B3GALT1: variants seen among roughly 807,000 people sequenced by gnomAD.
B3GALT1 encodes UDP-Gal:betaGlcNAc beta 1,3-galactosyltransferase, polypeptide 1.
Under a neutral mutation model 23.2 loss-of-function variants are expected in B3GALT1, and 10 were observed. That is an observed-to-expected ratio of 0.43 (90% confidence interval 0.27 to 0.73). The LOEUF (loss-of-function observed/expected upper bound fraction) is 0.73, where lower values mean the gene tolerates loss of function less well. B3GALT1 is among the 30% of genes least tolerant of loss of function. The pLI, the probability that B3GALT1 is intolerant of heterozygous loss-of-function variation, is 0.21. For missense variants in B3GALT1, 299 were observed against 405.4 expected, an observed-to-expected ratio of 0.74 and a Z score of 2.25; for synonymous variants, 156 against 141.5, an observed-to-expected ratio of 1.10 and a Z score of -0.73.
intron 3 of B3GALT1, among the ~76,000 whole-genome samples, chr2:167,649,651 T>C (rs1685824222): frequency 6.6e-6 from 1 of 152,136 alleles, no homozygotes; most frequent in Non-Finnish European, 1.5e-5. Flanking sequence ...TTTTAATGAC[T>C]GAATAATATT....
intron 4 of B3GALT1, among the ~76,000 whole-genome samples, chr2:167,836,496 G>C (rs547313652): frequency 6.6e-6 from 1 of 152,096 alleles, no homozygotes; most frequent in Non-Finnish European, 1.5e-5. Context: ...AAAAAGAAAC[G>C]AACAAAGCCT....
At chr2:167,794,667 T>C (rs1445321125) in intron 3 of B3GALT1, among the ~76,000 whole-genome samples, 1 of 152,228 alleles carries the variant, frequency 6.6e-6, no homozygotes, top group Non-Finnish European at 1.5e-5. Context: ...AAAGGTCAAT[T>C]GCATTGTCAC....
chr2:167,635,118 A>T (rs1283804995), intron 2 of B3GALT1, among the ~76,000 whole-genome samples: 1 of 152,178 alleles, frequency 6.6e-6, no homozygotes, highest in Non-Finnish European at 1.5e-5. Flanking sequence ...ATCTCAATAG[A>T]TGCAGAAAAG....
chr2:167,531,471 T>C (rs1303899668), intron 2 of B3GALT1, among the ~76,000 whole-genome samples: 1 of 152,188 alleles, frequency 6.6e-6, no homozygotes, highest in African/African-American at 2.4e-5. Context: ...GGACTACCCT[T>C]TGGACAGCAT....
intron 2 of B3GALT1, among the ~76,000 whole-genome samples, chr2:167,532,189 T>TG (rs1683336759): frequency 1.3e-5 from 2 of 152,172 alleles, no homozygotes; most frequent in African/African-American, 4.8e-5. Flanking sequence ...ATTTGTCTAT[T>TG]GGGATGCTAG....
intron 3 of B3GALT1, among the ~76,000 whole-genome samples, chr2:167,740,333 T>G (rs1453797617): frequency 6.6e-6 from 1 of 152,110 alleles, no homozygotes; most frequent in Non-Finnish European, 1.5e-5. Context: ...TACAGAATTT[T>G]CAGAGTTCTT....
intron 3 of B3GALT1, among the ~76,000 whole-genome samples, chr2:167,807,665 C>A (rs999138245): frequency 6.6e-6 from 1 of 152,332 alleles, no homozygotes; most frequent in South Asian, 2.1e-4. Context: ...TTTGATTGCA[C>A]TGTGGTCTGA....
At chr2:167,642,393 T>A (rs1558934420) in intron 2 of B3GALT1, among the ~76,000 whole-genome samples, 1 of 152,216 alleles carries the variant, frequency 6.6e-6, no homozygotes, top group East Asian at 1.9e-4. Context: ...AGTTGTTTTG[T>A]CCATGTTCAA....
intron 3 of B3GALT1, among the ~76,000 whole-genome samples, chr2:167,693,829 A>G (rs1329754499): frequency 1.3e-5 from 2 of 152,116 alleles, no homozygotes; most frequent in African/African-American, 4.8e-5. Flanking sequence ...TTCTTCTACC[A>G]TATCAGTTAG....
intron 2 of B3GALT1, among the ~76,000 whole-genome samples, chr2:167,643,905 G>A (rs1685698496): frequency 1.3e-5 from 2 of 152,182 alleles, no homozygotes; most frequent in African/African-American, 4.8e-5. Context: ...GTGAACCAGA[G>A]AACTGAAGAA....
intron 4 of B3GALT1, among the ~76,000 whole-genome samples, chr2:167,821,052 G>A (rs905798800): frequency 5.3e-5 from 8 of 152,172 alleles, no homozygotes; most frequent in Non-Finnish European, 1.0e-4. Context: ...CAATCCTAAT[G>A]CCTTCCCAAG....
rs1553463239 is a variant in B3GALT1 at position 167,512,566 on chromosome 2, A to ATG, written c.-410+22291_-410+22292dup. On this transcript the variant is annotated intron_variant, in intron 2 of 4. Transcript: ENST00000392690. ...TATATGTATATATATGTATATATAT[A>ATG]TGTATATATATATGTATATATATAT... is the stretch of plus-strand genomic sequence containing the variant. Among the ~76,000 whole-genome samples, 22 of 92,016 alleles carry ATG rather than the reference A, an allele frequency of 2.4e-4. 1 individual carries two copies. The highest frequency in any genetic ancestry group is 1.2e-3 in the African/African-American group (17 of 14,288). 60.4% of individuals were successfully genotyped at this position (92,016 alleles called of 152,430 possible).
chr2:167,648,267 G>A (rs1457565673), intron 3 of B3GALT1, among the ~76,000 whole-genome samples: 1 of 152,020 alleles, frequency 6.6e-6, no homozygotes, highest in African/African-American at 2.4e-5. Context: ...AAAGCATAAA[G>A]GATAATGTCC....
At chr2:167,477,349 G>A (rs1447008828) in intron 1 of B3GALT1, among the ~76,000 whole-genome samples, 13 of 152,070 alleles carry the variant, frequency 8.5e-5, no homozygotes, top group African/African-American at 2.9e-4. Context: ...CCTGTGCCTG[G>A]CTACACATTT....
At chr2:167,530,387 CTTG>C (rs1683306007) in intron 2 of B3GALT1, among the ~76,000 whole-genome samples, 2 of 152,140 alleles carry the variant, frequency 1.3e-5, no homozygotes, top group Non-Finnish European at 2.9e-5. Context: ...CTATAACTCC[CTTG>C]CTCCTAAGAT....
rs556788203 is a variant in B3GALT1, at chr2:167,848,367, A to G, written c.-229-20444A>G. On this transcript the variant is annotated intron_variant, in intron 4 of 4. Coordinates refer to ENST00000392690, the MANE Select transcript of B3GALT1 (RefSeq NM_020981.4). ...AACAAAATACTAGCTAACCAAATCCAACAATATATCAAAAAAGATAATCCG... is the reference window on the plus strand; with the variant it reads ...AACAAAATACTAGCTAACCAAATCCGACAATATATCAAAAAAGATAATCCG... 2.0e-5 allele frequency among the ~76,000 whole-genome samples: 3 copies of G among 152,316 alleles called. No individual in the cohort carries two copies. In the South Asian group the frequency reaches 6.2e-4, roughly 32 times the overall value.
At chr2:167,577,312 C>A (rs554510331) in intron 2 of B3GALT1, among the ~76,000 whole-genome samples, 17 of 151,762 alleles carry the variant, frequency 1.1e-4, no homozygotes, top group Non-Finnish European at 2.4e-4. Flanking sequence ...TAAATTGAAA[C>A]CAAATGACTG....
intron 2 of B3GALT1, among the ~76,000 whole-genome samples, chr2:167,539,915 A>AT (rs2105373137): frequency 1.3e-5 from 2 of 152,172 alleles, no homozygotes; most frequent in South Asian, 4.2e-4. Flanking sequence ...ATCAATAATA[A>AT]TTTTTTTCTC....
chr2:167,479,947 T>C (rs1009457059), intron 1 of B3GALT1, among the ~76,000 whole-genome samples: 1 of 152,050 alleles, frequency 6.6e-6, no homozygotes, highest in Non-Finnish European at 1.5e-5. Flanking sequence ...ATGTGGAAAA[T>C]GGCCCTCATG....
Sources: gnomAD v4.1 joint callset for allele counts (sites outside exome capture counted in the v4.1 genomes callset) on GRCh38, gnomAD v4.1.1 for gene constraint, MANE v1.5 for transcripts, NCBI Gene and HGNC (gene_info 2026-07-23, HGNC 2026-07-21) for gene names.